The following ADGRA1 variants were observed in gnomAD, a reference collection of about 807,000 sequenced individuals.
ADGRA1 encodes the protein G-protein coupled receptor 123.
A neutral mutation model predicts 21.3 loss-of-function variants in ADGRA1; 12 were observed. That is an observed-to-expected ratio of 0.56 (90% CI 0.36 to 0.91). The LOEUF is 0.91. Ranked by LOEUF, ADGRA1 falls within the 40% of genes least tolerant of loss-of-function variation. The probability of loss-of-function intolerance (pLI) is 0.01; values close to 1 mark genes in which losing one functional copy is unlikely to be tolerated. For synonymous variants in ADGRA1, 385 were observed against 368.8 expected (o/e 1.04, Z -0.50); for missense variants, 790 against 805.6 (o/e 0.98, Z 0.23).
At chr10:133,124,825 C>T (rs796711991) in intron 5 of ADGRA1, among the ~76,000 whole-genome samples, 2 of 147,910 alleles carry the variant, frequency 1.4e-5, no homozygotes, top group African/African-American at 5.1e-5. Context: ...CGGAGCACCC[C>T]CTTCCCCCGG....
chr10:133,095,614 C>T (rs371231931), intron 2 of ADGRA1: 124 of 1,566,730 alleles, frequency 7.9e-5, no homozygotes, highest in Admixed American at 4.7e-4. Context: ...GGCCCTATTT[C>T]GGGCTTTGAC....
rs763053650 is a variant in ADGRA1, at chr10:133,129,515, G to A, written c.*4G>A. On this transcript the variant is annotated 3_prime_UTR_variant, in exon 7 of 7. Coordinates refer to ENST00000392607, the MANE Select transcript of ADGRA1 (RefSeq NM_001083909.3). ...GAAAAACGAAACTACTGTGTAGATGGGGGCAGAGGACACGGTGTTCCTGGA... is the reference window on the plus strand; with the variant it reads ...GAAAAACGAAACTACTGTGTAGATGAGGGCAGAGGACACGGTGTTCCTGGA... The A allele has an allele frequency of 1.3e-6, 2 of 1,579,056 alleles. No homozygotes were observed. The highest frequency in any genetic ancestry group is 1.7e-6 in the Non-Finnish European group (2 of 1,168,622).
At chr10:133,116,400 C>T (rs1166366428) in intron 5 of ADGRA1, among the ~76,000 whole-genome samples, 1 of 151,808 alleles carries the variant, frequency 6.6e-6, no homozygotes, top group Admixed American at 6.6e-5. Context: ...GTGGTCCAGG[C>T]TTTGTCAGCG....
At chr10:133,127,437 G>A (rs1852398349) in intron 6 of ADGRA1, 106 bp downstream of exon 6, 2 of 847,558 alleles carry the variant, frequency 2.4e-6, no homozygotes, top group Non-Finnish European at 3.7e-6. Context: ...AAGCAGCAAG[G>A]CCTGGGCCTG....
intron 5 of ADGRA1, among the ~76,000 whole-genome samples, chr10:133,107,999 G>A (rs1414868796): frequency 6.6e-6 from 1 of 152,238 alleles, no homozygotes; most frequent in Non-Finnish European, 1.5e-5. Flanking sequence ...GAGGGAGTGG[G>A]TGACCCTGCA....
rs1377757365 is a variant in ADGRA1, at chr10:133,130,686, T to TGC, written c.*1176_*1177dup. 1 of 149,440 alleles carries TGC rather than the reference T, an allele frequency of 6.7e-6. No individual in the cohort carries two copies. Among genetic ancestry groups the TGC allele is most frequent in the Non-Finnish European group, 1.5e-5 (1 of 67,398 alleles). The allele number at this position is 149,440 out of a possible 1,614,324, so 9.3% of individuals were successfully genotyped here. ...CAAACACATGTGCATATCACACACA[T>TGC]GCACACACACAAACACATGTGCATA... On this transcript the variant is annotated 3_prime_UTR_variant, in exon 7 of 7. Transcript: ENST00000392607.
intron 2 of ADGRA1, among the ~76,000 whole-genome samples, chr10:133,093,929 T>A (rs1851644164): frequency 1.3e-5 from 2 of 152,278 alleles, no homozygotes; most frequent in African/African-American, 4.8e-5. Flanking sequence ...TCTGAAAATG[T>A]AGACAGGCAC....
chr10:133,129,637 CCT>C lies in ADGRA1; in HGVS notation c.*127_*128del. 2.1e-6 allele frequency: 1 copy of C among 478,700 alleles called. No individual in the cohort carries two copies. The highest frequency in any genetic ancestry group is 3.4e-5 in the East Asian group (1 of 29,114). 29.7% of individuals were successfully genotyped at this position (478,700 alleles called of 1,614,324 possible). A position where few individuals can be genotyped will look rare whatever the true frequency, so the allele number is the denominator to read the frequency against. On this transcript the variant is annotated 3_prime_UTR_variant, in exon 7 of 7. Coordinates refer to ENST00000392607, the MANE Select transcript of ADGRA1 (RefSeq NM_001083909.3). ...TTCAGAAGCCGTTCACACCCCTGCC[CCT>C]TCCTTGTGATCACACCCCTGCCCCT...
chr10:133,123,655 G>A (rs141701389), intron 5 of ADGRA1, among the ~76,000 whole-genome samples: 20 of 152,262 alleles, frequency 1.3e-4, no homozygotes, highest in Middle Eastern at 3.4e-3. Flanking sequence ...TCGAGAGGCC[G>A]TAAGGTCCGA....
At chr10:133,125,314 C>T (rs952035094) in intron 5 of ADGRA1, among the ~76,000 whole-genome samples, 1 of 152,122 alleles carries the variant, frequency 6.6e-6, no homozygotes, top group African/African-American at 2.4e-5. Context: ...GTTTGTTTTC[C>T]GTTTTTACCA....
At chr10:133,105,200 T>C (rs1299908800) in intron 5 of ADGRA1, among the ~76,000 whole-genome samples, 2 of 152,178 alleles carry the variant, frequency 1.3e-5, no homozygotes, top group Non-Finnish European at 2.9e-5. Context: ...CCACACCCTC[T>C]CTGGCCGTTC....
intron 2 of ADGRA1, among the ~76,000 whole-genome samples, chr10:133,089,399 C>A (rs1385045586): frequency 6.6e-6 from 1 of 152,188 alleles, no homozygotes; most frequent in Non-Finnish European, 1.5e-5. Context: ...AAGGCGGCCG[C>A]GCACACGGCA....
chr10:133,127,370 C>A (rs745937429), intron 6 of ADGRA1, 39 bp downstream of exon 6: 4 of 1,471,422 alleles, frequency 2.7e-6, no homozygotes, highest in Non-Finnish European at 3.7e-6. Flanking sequence ...CTGGGAGCAG[C>A]GGGTGGGCTC....
At chr10:133,119,106 C>G (rs752491996) in intron 5 of ADGRA1, among the ~76,000 whole-genome samples, 1 of 152,186 alleles carries the variant, frequency 6.6e-6, no homozygotes, top group African/African-American at 2.4e-5. Flanking sequence ...CACACTTGCA[C>G]GCACACCCGC....
At chr10:133,091,897 G>A (rs536797063) in intron 2 of ADGRA1, among the ~76,000 whole-genome samples, 4 of 152,318 alleles carry the variant, frequency 2.6e-5, no homozygotes, top group South Asian at 2.1e-4. Flanking sequence ...GCCTCCTGGC[G>A]GTGCCCCCAG....
chr10:133,125,277 C>G (rs1232313425), intron 5 of ADGRA1, among the ~76,000 whole-genome samples: 1 of 152,152 alleles, frequency 6.6e-6, no homozygotes, highest in African/African-American at 2.4e-5. Context: ...GAATTTTGAT[C>G]TGGTTGGATT....
intron 2 of ADGRA1, chr10:133,095,851 G>A (rs529061308): frequency 1.1e-4 from 169 of 1,541,286 alleles, no homozygotes; most frequent in African/African-American, 8.9e-4. Context: ...TCACTCAGCC[G>A]GAGCCATCCC....
At chr10:133,110,867 G>T (rs927976196) in intron 5 of ADGRA1, among the ~76,000 whole-genome samples, 1 of 152,046 alleles carries the variant, frequency 6.6e-6, no homozygotes, top group African/African-American at 2.4e-5. Context: ...TCCCTTTGCC[G>T]CAGAGTGATG....
intron 4 of ADGRA1, among the ~76,000 whole-genome samples, chr10:133,100,116 G>A (rs1026002841): frequency 5.9e-5 from 9 of 152,218 alleles, no homozygotes; most frequent in South Asian, 4.1e-4. Flanking sequence ...CAGAGGAGAC[G>A]TCATGTCTGT....
Sources: allele counts gnomAD v4.1 joint callset (sites outside exome capture counted in the v4.1 genomes callset), GRCh38; gene constraint gnomAD v4.1.1; transcripts MANE v1.5; gene names NCBI Gene and HGNC (gene_info 2026-07-23, HGNC 2026-07-21).